KCNQ5: variants seen among roughly 807,000 people sequenced by gnomAD.
KCNQ5 encodes the protein potassium voltage-gated channel subfamily Q member 5.
KCNQ5 carries 30 observed loss-of-function variants against 98.2 expected under a neutral mutation model. The observed-to-expected ratio is 0.31, with a 90% CI of 0.23 to 0.41. The LOEUF is 0.41. Ranked by LOEUF, KCNQ5 falls within the 10% of genes least tolerant of loss-of-function variation. The pLI is 1.00. For synonymous variants in KCNQ5, 458 were observed against 449.4 expected, an observed-to-expected ratio of 1.02 and a Z score of -0.24; for missense variants, 835 against 1,182.5, an observed-to-expected ratio of 0.71 and a Z score of 4.31.
intron 1 of KCNQ5, among the ~76,000 whole-genome samples, chr6:72,720,797 G>A (rs1418953095): frequency 3.9e-5 from 6 of 152,194 alleles, no homozygotes; most frequent in Admixed American, 3.9e-4. Flanking sequence ...AGGTCCCAGA[G>A]ATAGTGGGCT....
intron 1 of KCNQ5, among the ~76,000 whole-genome samples, chr6:72,854,537 G>A (rs1324962258): frequency 6.6e-6 from 1 of 151,644 alleles, no homozygotes; most frequent in African/African-American, 2.4e-5. Flanking sequence ...AAAAGTTTAC[G>A]ATGTCTATCA....
chr6:72,715,139 A>G (rs540429589), intron 1 of KCNQ5, among the ~76,000 whole-genome samples: 1 of 152,336 alleles, frequency 6.6e-6, no homozygotes, highest in African/African-American at 2.4e-5. Context: ...CAAACTATTT[A>G]TTAGTGAATA....
chr6:73,158,296 T>G (rs1582462549), intron 10 of KCNQ5, among the ~76,000 whole-genome samples: 3 of 140,294 alleles, frequency 2.1e-5, no homozygotes, highest in African/African-American at 2.6e-5. Flanking sequence ...GGAGACGGAG[T>G]CTCCCTCTGT....
intron 3 of KCNQ5, chr6:73,055,782 G>T (rs536887266): frequency 8.8e-6 from 8 of 909,192 alleles, no homozygotes; most frequent in Non-Finnish European, 1.4e-5. Context: ...CCCAGCCCAC[G>T]CAGTTCCTAG....
At chr6:73,063,713 TA>T (rs796497037) in intron 3 of KCNQ5, among the ~76,000 whole-genome samples, 1,289 of 109,052 alleles carry the variant, frequency 0.012, 20 homozygotes, top group East Asian at 0.038. Flanking sequence ...GATAGATAGA[TA>T]GATAGATGAT....
chr6:73,055,524 C>G, intron 3 of KCNQ5: 2 of 1,513,382 alleles, frequency 1.3e-6, no homozygotes, highest in East Asian at 2.3e-5. Flanking sequence ...GCAGACCTCA[C>G]AGAAAATCAC....
rs1765726279 is a variant in KCNQ5 at position 73,194,873 on chromosome 6, C to T, written c.2258C>T (p.Pro753Leu). 1 of 1,614,192 alleles carries T rather than the reference C, an allele frequency of 6.2e-7. No individual in the cohort carries two copies. The highest frequency in any genetic ancestry group is 8.5e-7 in the Non-Finnish European group (1 of 1,180,032). ...AAPTTLQIPP[P>L]LPAIKHLPRP... ...CCAACAACTTTACAGATCCCACCTC[C>T]TCTCCCAGCCATCAAGCATCTGCCC... The change falls in exon 14 of 14, where the codon CCT becomes CTT. Residue 753 changes from proline to leucine, a missense_variant. Around this residue, in one of 10 missense-constraint regions of KCNQ5, gnomAD observed 416 missense variants for 446.9 expected, o/e 0.93. Coordinates refer to ENST00000370398, the MANE Select transcript of KCNQ5 (RefSeq NM_019842.4).
intron 1 of KCNQ5, among the ~76,000 whole-genome samples, chr6:72,658,673 C>T (rs150405674): frequency 0.019 from 2,777 of 149,340 alleles, 74 homozygotes; most frequent in African/African-American, 0.063. Flanking sequence ...CTCCGTCTCT[C>T]GGGCTCAAGC....
At chr6:72,988,652 T>C (rs1055537248) in intron 1 of KCNQ5, among the ~76,000 whole-genome samples, 6 of 148,554 alleles carry the variant, frequency 4.0e-5, no homozygotes, top group Admixed American at 6.7e-5. Context: ...TGATTTTCTT[T>C]TTTTTTTTTT....
At chr6:72,907,877 T>G (rs1164971738) in intron 1 of KCNQ5, among the ~76,000 whole-genome samples, 2 of 152,090 alleles carry the variant, frequency 1.3e-5, no homozygotes, top group East Asian at 3.9e-4. Context: ...AAAGATGTAA[T>G]GTTCCAAATC....
intron 1 of KCNQ5, among the ~76,000 whole-genome samples, chr6:72,685,895 C>A (rs1188074498): frequency 6.6e-6 from 1 of 152,186 alleles, no homozygotes; most frequent in East Asian, 1.9e-4. Context: ...AGTTCTAGAG[C>A]AGGAAAGTCC....
At position 73,187,599 on chromosome 6, in the gene KCNQ5, T is replaced by G. The variant is rs189184277; in HGVS notation, c.1578-2974T>G. Among the ~76,000 whole-genome samples the G allele has an allele frequency of 2.0e-5, 3 of 151,330 alleles. No individual in the cohort carries two copies. The East Asian group carries it at 5.8e-4, about 29-fold the overall frequency. On this transcript the variant is annotated intron_variant, in intron 11 of 13. Transcript: ENST00000370398. ...AAATAAATGATAAACCTATTAAGAG[T>G]TTTAAAATCTACTCTGTTTTGCATA...
At chr6:72,772,089 ATTATT>A (rs1396120763) in intron 1 of KCNQ5, among the ~76,000 whole-genome samples, 1 of 152,082 alleles carries the variant, frequency 6.6e-6, no homozygotes, top group Non-Finnish European at 1.5e-5. Flanking sequence ...GAGTGTCTTT[ATTATT>A]TTGAGTTTAT....
chr6:72,847,327 C>A (rs757950264), intron 1 of KCNQ5, among the ~76,000 whole-genome samples: 1 of 152,128 alleles, frequency 6.6e-6, no homozygotes. Context: ...CCACGCCCAG[C>A]TAATTTTGTA....
intron 1 of KCNQ5, among the ~76,000 whole-genome samples, chr6:72,888,546 A>C (rs568363991): frequency 6.6e-6 from 1 of 152,200 alleles, no homozygotes; most frequent in African/African-American, 2.4e-5. Flanking sequence ...GGTGGTGCTG[A>C]GCATAATGGC....
At chr6:72,948,386 A>C (rs1045219115) in intron 1 of KCNQ5, among the ~76,000 whole-genome samples, 1 of 151,986 alleles carries the variant, frequency 6.6e-6, no homozygotes. Context: ...TGACTCCCCA[A>C]GCAGAGTGAG....
chr6:73,096,223 T>G (rs528908515), intron 5 of KCNQ5, among the ~76,000 whole-genome samples: 13 of 151,632 alleles, frequency 8.6e-5, no homozygotes, highest in African/African-American at 2.7e-4. Flanking sequence ...GTGGCTTAAA[T>G]TAGGTGATCT....
chr6:72,657,894 T>G (rs914834991), intron 1 of KCNQ5, among the ~76,000 whole-genome samples: 25 of 152,240 alleles, frequency 1.6e-4, no homozygotes, highest in African/African-American at 5.1e-4. Context: ...CTCACTTTTC[T>G]TGGGAAGGTC....
At chr6:72,728,892 T>C (rs1363659204) in intron 1 of KCNQ5, among the ~76,000 whole-genome samples, 3 of 152,206 alleles carry the variant, frequency 2.0e-5, no homozygotes, top group African/African-American at 7.2e-5. Context: ...CTTATTTAGG[T>C]TTTTGCCTAG....
Sources: gnomAD v4.1 joint callset for allele counts (sites outside exome capture counted in the v4.1 genomes callset) on GRCh38, gnomAD v4.1.1 for gene constraint, gnomAD v4.1.1 regional missense constraint, MANE v1.5 for transcripts, NCBI Gene and HGNC (gene_info 2026-07-23, HGNC 2026-07-21) for gene names.